Variants in CTNNA2 observed in about 807,000 individuals in gnomAD.
CTNNA2 encodes the protein catenin alpha-2.
CTNNA2 carries 42 observed loss-of-function variants against 101.0 expected under a neutral mutation model. The ratio of observed to expected loss-of-function variants is 0.42; its 90% CI spans 0.32 to 0.54. The LOEUF is 0.54. Among genes scored for constraint, CTNNA2 ranks in the 20% least tolerant of loss-of-function variants. The pLI is 0.14. For missense variants in CTNNA2, 871 were observed against 1,223.1 expected (o/e 0.71, Z 4.29); for synonymous variants, 450 against 456.4 (o/e 0.99, Z 0.18).
At chr2:79,967,477 CT>C (rs1389691268) in intron 7 of CTNNA2, among the ~76,000 whole-genome samples, 7 of 152,192 alleles carry the variant, frequency 4.6e-5, no homozygotes, top group African/African-American at 1.7e-4. Flanking sequence ...TGTTTCCTCT[CT>C]TGCCTCATGA....
At chr2:79,423,541 C>G (rs538106579) in intron 4 of CTNNA2, among the ~76,000 whole-genome samples, 1 of 152,168 alleles carries the variant, frequency 6.6e-6, no homozygotes, top group East Asian at 1.9e-4. Flanking sequence ...TTTTAAAGAA[C>G]TCCTCTCTAG....
At chr2:79,733,044 A>G (rs1318273980) in intron 2 of CTNNA2, among the ~76,000 whole-genome samples, 2 of 152,166 alleles carry the variant, frequency 1.3e-5, no homozygotes, top group Non-Finnish European at 2.9e-5. Context: ...ATATAGTCTC[A>G]CATTGTGTCC....
chr2:79,348,433 C>T (rs1254411703), intron 3 of CTNNA2, among the ~76,000 whole-genome samples: 1 of 152,166 alleles, frequency 6.6e-6, no homozygotes, highest in Admixed American at 6.5e-5. Context: ...GAACCTATCA[C>T]AGAACTTTCC....
intron 5 of CTNNA2, among the ~76,000 whole-genome samples, chr2:79,870,536 T>G (rs997935375): frequency 6.6e-6 from 1 of 152,086 alleles, no homozygotes; most frequent in African/African-American, 2.4e-5. Flanking sequence ...GTCACTCTCA[T>G]GATGCTGTGT....
chr2:80,360,357 A>G (rs998665883), intron 7 of CTNNA2, among the ~76,000 whole-genome samples: 1 of 152,120 alleles, frequency 6.6e-6, no homozygotes, highest in Admixed American at 6.6e-5. Flanking sequence ...GGAGGTAGCT[A>G]TTAGGGTACT....
chr2:79,373,021 TAAG>T (rs1264115801), intron 3 of CTNNA2, among the ~76,000 whole-genome samples: 1 of 152,096 alleles, frequency 6.6e-6, no homozygotes, highest in Non-Finnish European at 1.5e-5. Flanking sequence ...TAAAAGATAA[TAAG>T]GTGAATAAAA....
At chr2:80,231,548 T>C (rs985213227) in intron 7 of CTNNA2, among the ~76,000 whole-genome samples, 1 of 152,286 alleles carries the variant, frequency 6.6e-6, no homozygotes, top group South Asian at 2.1e-4. Context: ...GAGAAACTAT[T>C]TTAGGCAATG....
chr2:79,919,791 C>T (rs986072804), intron 7 of CTNNA2, among the ~76,000 whole-genome samples: 6 of 152,284 alleles, frequency 3.9e-5, no homozygotes, highest in Admixed American at 2.0e-4. Flanking sequence ...TGGGGCCCCT[C>T]CTTGCTCAGG....
At chr2:79,707,163 T>C (rs1218984226) in intron 2 of CTNNA2, among the ~76,000 whole-genome samples, 1 of 152,126 alleles carries the variant, frequency 6.6e-6, no homozygotes, top group Non-Finnish European at 1.5e-5. Context: ...CGAGGACACA[T>C]GTGCTGGCTC....
intron 7 of CTNNA2, among the ~76,000 whole-genome samples, chr2:80,331,021 G>GGTT (rs1559014558): frequency 1.4e-5 from 2 of 139,680 alleles, no homozygotes; most frequent in Non-Finnish European, 1.6e-5. Flanking sequence ...TAAACTGTAT[G>GGTT]TTTTTTTTTT....
intron 7 of CTNNA2, among the ~76,000 whole-genome samples, chr2:79,988,941 A>G (rs1234309988): frequency 2.6e-5 from 4 of 152,186 alleles, no homozygotes; most frequent in African/African-American, 4.8e-5. Context: ...CTTTTACTGT[A>G]TAGCTTTTGT....
intron 7 of CTNNA2, among the ~76,000 whole-genome samples, chr2:80,042,132 T>G (rs1696104612): frequency 6.6e-6 from 1 of 152,168 alleles, no homozygotes; most frequent in Non-Finnish European, 1.5e-5. Context: ...GCCTGGCTAA[T>G]TTTTGTATTT....
At chr2:80,240,779 G>A (rs1162951576) in intron 7 of CTNNA2, among the ~76,000 whole-genome samples, 1 of 152,136 alleles carries the variant, frequency 6.6e-6, no homozygotes, top group African/African-American at 2.4e-5. Context: ...GTTCAACCTG[G>A]GTTTTTAGGA....
At chr2:79,460,379 C>A (rs11688586) in intron 4 of CTNNA2, among the ~76,000 whole-genome samples, 5,249 of 152,150 alleles carry the variant, frequency 0.034, 124 homozygotes, top group Non-Finnish European at 0.051. Context: ...TTTTGAATAT[C>A]CCTTTTGGTT....
At chr2:79,527,127 A>C (rs141723063) in intron 1 of CTNNA2, among the ~76,000 whole-genome samples, 6 of 152,276 alleles carry the variant, frequency 3.9e-5, no homozygotes, top group Admixed American at 3.9e-4. Context: ...TATTCTTCCA[A>C]ATTTATAAAG....
chr2:79,295,560 A>T (rs1675958634), intron 2 of CTNNA2, among the ~76,000 whole-genome samples: 1 of 148,986 alleles, frequency 6.7e-6, no homozygotes, highest in South Asian at 2.1e-4. Context: ...CTTCCCTCAC[A>T]AACTTTTTTT....
intron 7 of CTNNA2, among the ~76,000 whole-genome samples, chr2:80,043,515 A>C (rs1448165621): frequency 6.6e-6 from 1 of 152,102 alleles, no homozygotes; most frequent in Non-Finnish European, 1.5e-5. Context: ...TCATGTTTTC[A>C]TAAGGTGTCC....
intron 17 of CTNNA2, among the ~76,000 whole-genome samples, chr2:80,616,723 A>G (rs936389872): frequency 5.3e-5 from 8 of 151,804 alleles, no homozygotes; most frequent in African/African-American, 1.7e-4. Context: ...CTTAGTTTTC[A>G]TGAAAAATGT....
chr2:79,597,080 TA>T (rs1677236818), intron 1 of CTNNA2, among the ~76,000 whole-genome samples: 1 of 152,170 alleles, frequency 6.6e-6, no homozygotes, highest in Non-Finnish European at 1.5e-5. Context: ...TTTGAAACAG[TA>T]TTAAATATTC....
Sources: gnomAD v4.1 joint callset for allele counts (sites outside exome capture counted in the v4.1 genomes callset) on GRCh38, gnomAD v4.1.1 for gene constraint, MANE v1.5 for transcripts, NCBI Gene and HGNC (gene_info 2026-07-23, HGNC 2026-07-21) for gene names.